The following BCL2L13 variants were observed in gnomAD, a reference collection of about 807,000 sequenced individuals.
BCL2L13 encodes the protein bcl-2-like protein 13.
In BCL2L13, 13 loss-of-function variants were observed where a neutral mutation model predicts 25.8. The ratio of observed to expected loss-of-function variants is 0.50; its 90% CI spans 0.33 to 0.80. The LOEUF (loss-of-function observed/expected upper bound fraction) is 0.80. BCL2L13 is among the 30% of genes least tolerant of loss of function. The pLI is 0.02. For synonymous variants in BCL2L13, 244 were observed against 230.3 expected, an observed-to-expected ratio of 1.06 and a Z score of -0.54; for missense variants, 504 against 574.9, an observed-to-expected ratio of 0.88 and a Z score of 1.26.
intron 3 of BCL2L13, among the ~76,000 whole-genome samples, chr22:17,684,890 A>G (rs370764064): frequency 3.4e-4 from 52 of 151,572 alleles, no homozygotes; most frequent in South Asian, 6.3e-4. Context: ...CTGCCACCAC[A>G]CCCGACTAAT....
At chr22:17,685,661 G>C (rs1263412542) in intron 3 of BCL2L13, among the ~76,000 whole-genome samples, 1 of 150,442 alleles carries the variant, frequency 6.6e-6, no homozygotes, top group African/African-American at 2.4e-5. Flanking sequence ...TGGAAATTTA[G>C]GTTGTTTCTA....
intron 4 of BCL2L13, among the ~76,000 whole-genome samples, chr22:17,692,776 T>TA (rs759533249): frequency 1.2e-3 from 180 of 152,340 alleles, no homozygotes; most frequent in Non-Finnish European, 1.7e-3. Flanking sequence ...GCAAGTCACA[T>TA]ATAATGTGGT....
intron 6 of BCL2L13, among the ~76,000 whole-genome samples, chr22:17,723,629 A>G (rs1008438105): frequency 6.6e-6 from 1 of 152,186 alleles, no homozygotes; most frequent in Non-Finnish European, 1.5e-5. Flanking sequence ...GTACTAATCT[A>G]AGCACTATAA....
chr22:17,693,366 GT>G (rs2060163326), intron 4 of BCL2L13, among the ~76,000 whole-genome samples: 7 of 58,620 alleles, frequency 1.2e-4, no homozygotes, highest in African/African-American at 3.7e-4. Context: ...TATTTATTTA[GT>G]GTTTGTTTTT....
intron 6 of BCL2L13, among the ~76,000 whole-genome samples, chr22:17,710,753 C>T (rs5992800): frequency 0.094 from 14,094 of 150,210 alleles, 770 homozygotes; most frequent in Non-Finnish European, 0.11. Flanking sequence ...GGTGGGCACC[C>T]ATAGTTCCAG....
intron 6 of BCL2L13, among the ~76,000 whole-genome samples, chr22:17,721,548 C>T (rs1453476139): frequency 1.8e-5 from 1 of 54,090 alleles, no homozygotes; most frequent in Non-Finnish European, 3.4e-5. Context: ...TTTTTTGAGA[C>T]GTAAGTCTTA....
intron 2 of BCL2L13, among the ~76,000 whole-genome samples, chr22:17,680,736 G>A (rs141334442): frequency 1.1e-4 from 16 of 152,104 alleles, no homozygotes; most frequent in Admixed American, 1.0e-3. Context: ...GCTAACACAT[G>A]ATCAGAAAGT....
intron 4 of BCL2L13, 136 bp from the exon 5 acceptor site, chr22:17,696,005 T>C: frequency 1.6e-6 from 1 of 622,394 alleles, no homozygotes; most frequent in Non-Finnish European, 2.9e-6. Context: ...AAGCCACGTC[T>C]TGTACAAAAC....
rs141920522 is a variant in BCL2L13, at chr22:17,658,567, G to A, written c.121+2735G>A. On this transcript the variant is annotated intron_variant, in intron 2 of 6. Coordinates refer to ENST00000317582, the MANE Select transcript of BCL2L13 (RefSeq NM_015367.4). ...AAATTAGCCGGGCATGGTGGCACAC[G>A]CCTGTAATCCCAGCTACTTGGGAGA... Among the ~76,000 whole-genome samples, 878 of 151,560 alleles carry A rather than the reference G, an allele frequency of 5.8e-3. 13 individuals are homozygous for A. The highest frequency in any genetic ancestry group is 0.02 in the African/African-American group (832 of 41,308).
At chr22:17,646,949 ATATATAT>A (rs2058503786) in intron 1 of BCL2L13, among the ~76,000 whole-genome samples, 3 of 22,976 alleles carry the variant, frequency 1.3e-4, no homozygotes, top group African/African-American at 1.8e-4. Flanking sequence ...ATATATATAT[ATATATAT>A]TTTTTTTTTT....
intron 3 of BCL2L13, among the ~76,000 whole-genome samples, chr22:17,686,911 AAAG>A (rs1191057504): frequency 1.3e-5 from 2 of 152,230 alleles, no homozygotes; most frequent in Admixed American, 6.5e-5. Flanking sequence ...CAAAAGGTAG[AAAG>A]AAGAAGAGAG....
At chr22:17,644,804 T>G (rs2058415246) in intron 1 of BCL2L13, among the ~76,000 whole-genome samples, 1 of 150,574 alleles carries the variant, frequency 6.6e-6, no homozygotes, top group Non-Finnish European at 1.5e-5. Context: ...TGCTAGGAAT[T>G]TCTTTTTTTT....
rs1250421885 is a variant in BCL2L13 at position 17,730,461 on chromosome 22, A to G, written c.*2927A>G. ...GGAGACATGGCTTTGACCCACAGCT[A>G]CTGTTCATTTCCTCAGGCTTTGCGC... On this transcript the variant is annotated 3_prime_UTR_variant, in exon 7 of 7. Transcript: ENST00000317582. The G allele has an allele frequency of 6.6e-6, 1 of 152,152 alleles. No homozygotes were observed. Among genetic ancestry groups the G allele is most frequent in the African/African-American group, 2.4e-5 (1 of 41,416 alleles). 9.4% of individuals were successfully genotyped at this position (152,152 alleles called of 1,614,324 possible).
intron 1 of BCL2L13, among the ~76,000 whole-genome samples, chr22:17,629,253 T>C (rs776403443): frequency 6.6e-5 from 10 of 152,130 alleles, no homozygotes; most frequent in Non-Finnish European, 1.3e-4. Context: ...ATGTCAACCT[T>C]GATTACCTGA....
rs71201859 is a variant in BCL2L13 at position 17,657,823 on chromosome 22, CTTT to C, written c.121+2010_121+2012del. Among the ~76,000 whole-genome samples the C allele has an allele frequency of 4.7e-3, 401 of 85,748 alleles. 1 individual carries two copies. Among genetic ancestry groups the C allele is most frequent in the African/African-American group, 0.016 (363 of 22,540 alleles). 56.3% of individuals were successfully genotyped at this position (85,748 alleles called of 152,430 possible). Reference sequence around the variant, plus strand: ...GAGCCACCACACCTGGTTGACATTTCTTTTTTTTTTTTTTTTTTTTTGAGATGA... The same window carrying C: ...GAGCCACCACACCTGGTTGACATTTCTTTTTTTTTTTTTTTTTTGAGATGA... On this transcript the variant is annotated intron_variant, in intron 2 of 6. Coordinates refer to ENST00000317582, the MANE Select transcript of BCL2L13 (RefSeq NM_015367.4).
At chr22:17,664,515 G>A (rs374827510) in intron 2 of BCL2L13, among the ~76,000 whole-genome samples, 107 of 152,266 alleles carry the variant, frequency 7.0e-4, no homozygotes, top group East Asian at 4.1e-3. Context: ...GGGGTCTGGC[G>A]AACAGTGGCC....
intron 6 of BCL2L13, among the ~76,000 whole-genome samples, chr22:17,717,753 T>C (rs1024805764): frequency 6.6e-6 from 1 of 152,116 alleles, no homozygotes; most frequent in African/African-American, 2.4e-5. Flanking sequence ...CCAAGTTGGA[T>C]TGCAGGCTTT....
chr22:17,631,696 ATATAT>A (rs2058028838), intron 1 of BCL2L13, among the ~76,000 whole-genome samples: 1 of 33,226 alleles, frequency 3.0e-5, no homozygotes, highest in Non-Finnish European at 6.2e-5. Flanking sequence ...ATATATATAT[ATATAT>A]ATATATTTTT....
rs750235062 is a variant in BCL2L13, at chr22:17,726,691, T to A, written c.615T>A (p.Ser205Arg). 1.9e-6 allele frequency: 3 copies of A among 1,613,630 alleles called. No individual in the cohort carries two copies. The South Asian group carries it at 3.3e-5, about 18-fold the overall frequency. The part of the protein sequence containing the change: ...IQQGGWGTVF[S>R]LESEEEEYPG... ...TTCGTTTCTAGGGCACTGTGTTTAG[T>A]CTTGAGTCAGAGGAGGAGGAATACC... is the stretch of plus-strand genomic sequence containing the variant. Residue 205 changes from serine (S) to arginine (R), a missense_variant, in exon 7 of 7, where the codon AGT becomes AGA. By Grantham distance (110) the Ser-to-Arg change is moderately radical. Coordinates refer to ENST00000317582, the MANE Select transcript of BCL2L13 (RefSeq NM_015367.4).
Sources: gnomAD v4.1 joint callset for allele counts (sites outside exome capture counted in the v4.1 genomes callset) on GRCh38, gnomAD v4.1.1 for gene constraint, MANE v1.5 for transcripts, NCBI Gene and HGNC (gene_info 2026-07-23, HGNC 2026-07-21) for gene names.